RFX3: variants seen among roughly 807,000 people sequenced by gnomAD.
The protein encoded by RFX3 is regulatory factor X3.
Under a neutral mutation model 98.6 loss-of-function variants are expected in RFX3, and 14 were observed. That is an observed-to-expected ratio of 0.14 (90% CI 0.09 to 0.22). The LOEUF is 0.22. Among genes scored for constraint, RFX3 ranks in the 10% least tolerant of loss-of-function variants. The pLI is 1.00. For missense variants in RFX3, 639 were observed against 926.9 expected, an observed-to-expected ratio of 0.69 and a Z score of 4.03; for synonymous variants, 383 against 328.4, an observed-to-expected ratio of 1.17 and a Z score of -1.80.
chr9:3,336,367 A>G (rs1833176724), intron 3 of RFX3, among the ~76,000 whole-genome samples: 1 of 152,144 alleles, frequency 6.6e-6, no homozygotes, highest in Non-Finnish European at 1.5e-5. Flanking sequence ...TAGAAAGAAA[A>G]TAAGATAATT....
At chr9:3,309,998 G>A (rs1201594818) in intron 4 of RFX3, among the ~76,000 whole-genome samples, 1 of 152,186 alleles carries the variant, frequency 6.6e-6, no homozygotes, top group Non-Finnish European at 1.5e-5. Context: ...GTACAAAAGA[G>A]GCTTTGTGTG....
intron 2 of RFX3, among the ~76,000 whole-genome samples, chr9:3,375,779 T>C (rs1339198013): frequency 1.3e-5 from 2 of 151,884 alleles, no homozygotes; most frequent in Non-Finnish European, 2.9e-5. Context: ...GCTAACACGG[T>C]GAAACCCCGC....
intron 2 of RFX3, among the ~76,000 whole-genome samples, chr9:3,370,376 T>C (rs1041071137): frequency 6.6e-6 from 1 of 151,882 alleles, no homozygotes; most frequent in African/African-American, 2.4e-5. Flanking sequence ...ATAGTATCAA[T>C]ATTCAGTCCC....
chr9:3,475,708 A>G (rs1306380065), intron 1 of RFX3, among the ~76,000 whole-genome samples: 4 of 152,218 alleles, frequency 2.6e-5, no homozygotes, highest in African/African-American at 9.6e-5. Flanking sequence ...AGGATGGAAC[A>G]TGAAAGTGGA....
At chr9:3,253,956 C>A (rs1402941624) in intron 14 of RFX3, among the ~76,000 whole-genome samples, 1 of 152,144 alleles carries the variant, frequency 6.6e-6, no homozygotes, top group Non-Finnish European at 1.5e-5. Context: ...AGTTTCTCAG[C>A]TATTGACTTT....
intron 4 of RFX3, chr9:3,323,876 C>T (rs182430800): frequency 4.5e-6 from 1 of 220,954 alleles, no homozygotes; most frequent in East Asian, 1.0e-4. Context: ...ATTACTGCCT[C>T]TAGATCTTAT....
chr9:3,335,839 T>C (rs1274363149), intron 3 of RFX3, among the ~76,000 whole-genome samples: 1 of 152,202 alleles, frequency 6.6e-6, no homozygotes, highest in African/African-American at 2.4e-5. Flanking sequence ...TTCAGTAATT[T>C]AGTGCCATTT....
rs1343793414 is a variant in RFX3 at position 3,221,129 on chromosome 9, A to G, written c.*3913T>C. On this transcript the variant is annotated 3_prime_UTR_variant, in exon 17 of 17. Transcript: ENST00000617270. Reference sequence around the variant, plus strand: ...AAATTGTACACAAAGGTGACTTGCCAAGTTTTTTCTTTCTACTTGTGTCCA... The same window carrying G: ...AAATTGTACACAAAGGTGACTTGCCGAGTTTTTTCTTTCTACTTGTGTCCA... The G allele has an allele frequency of 1.3e-5, 2 of 152,142 alleles. No homozygotes were observed. The highest frequency in any genetic ancestry group is 3.8e-4 in the East Asian group (2 of 5,196). 9.4% of individuals were successfully genotyped at this position (152,142 alleles called of 1,614,324 possible).
intron 7 of RFX3, among the ~76,000 whole-genome samples, chr9:3,284,302 A>G (rs1461112442): frequency 2.0e-5 from 3 of 151,670 alleles, no homozygotes; most frequent in Non-Finnish European, 3.0e-5. Flanking sequence ...ACTGTTACTT[A>G]GTTTGAAGAG....
At chr9:3,488,564 G>C (rs893171609) in intron 1 of RFX3, among the ~76,000 whole-genome samples, 3 of 152,100 alleles carry the variant, frequency 2.0e-5, no homozygotes, top group African/African-American at 7.2e-5. Flanking sequence ...ACTTAAAAGA[G>C]TTAGTACTAA....
intron 1 of RFX3, among the ~76,000 whole-genome samples, chr9:3,468,845 AAAG>A (rs964355694): frequency 7.9e-5 from 12 of 151,778 alleles, no homozygotes; most frequent in African/African-American, 2.4e-4. Context: ...AAAAGAAAAA[AAAG>A]AAGAAAAACC....
intron 1 of RFX3, among the ~76,000 whole-genome samples, chr9:3,425,221 CAAT>C (rs1181058063): frequency 1.3e-5 from 2 of 152,172 alleles, no homozygotes; most frequent in Non-Finnish European, 2.9e-5. Flanking sequence ...CCTGGCAACA[CAAT>C]GAGACCGTGT....
At chr9:3,386,165 C>G (rs955376291) in intron 2 of RFX3, among the ~76,000 whole-genome samples, 1 of 151,926 alleles carries the variant, frequency 6.6e-6, no homozygotes, top group African/African-American at 2.4e-5. Context: ...GCACTGGTTT[C>G]TAAAATAGCT....
At chr9:3,524,639 T>C (rs1819035156) in intron 1 of RFX3, 10 of 983,152 alleles carry the variant, frequency 1.0e-5, no homozygotes, top group Non-Finnish European at 1.2e-5. Context: ...CTTGTGTCCC[T>C]TCCCTGTTCA....
At chr9:3,296,336 T>C (rs559950863) in intron 5 of RFX3, among the ~76,000 whole-genome samples, 4 of 152,152 alleles carry the variant, frequency 2.6e-5, no homozygotes, top group Non-Finnish European at 5.9e-5. Flanking sequence ...TAAATGATAT[T>C]ACTTATATCC....
intron 3 of RFX3, among the ~76,000 whole-genome samples, chr9:3,334,888 G>C (rs1400112967): frequency 6.6e-6 from 1 of 152,142 alleles, no homozygotes; most frequent in Non-Finnish European, 1.5e-5. Flanking sequence ...GGGAGGCTGA[G>C]ATGGGTGGAT....
chr9:3,352,440 T>G (rs942638714), intron 2 of RFX3, among the ~76,000 whole-genome samples: 8 of 152,036 alleles, frequency 5.3e-5, no homozygotes, highest in African/African-American at 1.9e-4. Context: ...TAGATTTTTT[T>G]AAGTGAAAAT....
intron 3 of RFX3, among the ~76,000 whole-genome samples, chr9:3,340,586 G>T (rs950512780): frequency 1.3e-5 from 2 of 152,096 alleles, no homozygotes; most frequent in African/African-American, 4.8e-5. Context: ...ATCAAAAAGT[G>T]GGCGAAGGAT....
chr9:3,396,048 T>A (rs1179476247), intron 1 of RFX3, among the ~76,000 whole-genome samples: 2 of 152,146 alleles, frequency 1.3e-5, no homozygotes, highest in Admixed American at 6.5e-5. Flanking sequence ...TCATTTCTTT[T>A]TTTTTTTTAT....
Sources: allele counts gnomAD v4.1 joint callset (sites outside exome capture counted in the v4.1 genomes callset), GRCh38; gene constraint gnomAD v4.1.1; transcripts MANE v1.5; gene names NCBI Gene and HGNC (gene_info 2026-07-23, HGNC 2026-07-21).